Variants in AKAP12 observed in about 807,000 individuals in gnomAD.
AKAP12 encodes A-kinase anchoring protein 12, also known as A-kinase anchor protein 12.
A neutral mutation model predicts 79.9 loss-of-function variants in AKAP12; 32 were observed. That is an observed-to-expected ratio of 0.40 (90% CI 0.30 to 0.54). The LOEUF is 0.54. Among genes scored for constraint, AKAP12 ranks in the 20% least tolerant of loss-of-function variants. The pLI is 0.48. For missense variants in AKAP12, 2,074 were observed against 2,177.0 expected (o/e 0.95, Z 0.94); for synonymous variants, 808 against 857.0 (o/e 0.94, Z 1.00).
chr6:151,340,964 A>T (rs1282436139), intron 3 of AKAP12, among the ~76,000 whole-genome samples: 1 of 152,096 alleles, frequency 6.6e-6, no homozygotes, highest in Admixed American at 6.5e-5. Context: ...CTGTTCCATT[A>T]TCGAGGATAA....
intron 3 of AKAP12, chr6:151,343,990 C>A (rs750799612): frequency 2.3e-6 from 1 of 437,122 alleles, no homozygotes; most frequent in Non-Finnish European, 4.3e-6. Flanking sequence ...TAGTTTAAAT[C>A]GTCGATGTCT....
At chr6:151,261,555 G>A (rs1797434766) in intron 2 of AKAP12, among the ~76,000 whole-genome samples, 1 of 150,966 alleles carries the variant, frequency 6.6e-6, no homozygotes, top group African/African-American at 2.4e-5. Context: ...ACAAAAATTA[G>A]CCGAGCATTA....
chr6:151,273,722 T>G (rs2473605), intron 2 of AKAP12, among the ~76,000 whole-genome samples: 114,154 of 152,124 alleles, frequency 0.75, 44,277 homozygotes, highest in African/African-American at 0.93. Context: ...GGTGGTTACT[T>G]TTAGACTAGT....
In AKAP12 at chr6:151,350,944, G is replaced by A; in HGVS notation, c.2553G>A (p.Glu851=). 1 of 1,614,052 alleles carries A rather than the reference G, an allele frequency of 6.2e-7. No individual in the cohort carries two copies. The highest frequency in any genetic ancestry group is 2.2e-5 in the East Asian group (1 of 44,846). Residue 851 remains glutamate, a synonymous_variant, in exon 4 of 5, where the codon GAG becomes GAA. Coordinates refer to ENST00000402676, the MANE Select transcript of AKAP12 (RefSeq NM_005100.4). This position sits in a 1 kb window ranked among gnomAD's most constrained non-coding sequence, Gnocchi z 4.8. ...SDVPAVVPLS[E]YDAVEREKME... ...TCCCGGCCGTGGTCCCTCTGTCTGA[G>A]TATGATGCTGTAGAAAGGGAGAAAA...
chr6:151,332,033 G>GTTGTTTTTGTTT (rs1303327962), intron 3 of AKAP12, among the ~76,000 whole-genome samples: 1,942 of 79,562 alleles, frequency 0.024, 233 homozygotes, highest in African/African-American at 0.056. Flanking sequence ...TTCTGGGTCT[G>GTTGTTTTTGTTT]TTTTTTTTTT....
At chr6:151,277,917 G>T (rs1274842766) in intron 2 of AKAP12, among the ~76,000 whole-genome samples, 1 of 151,132 alleles carries the variant, frequency 6.6e-6, no homozygotes, top group African/African-American at 2.4e-5. Flanking sequence ...TCCCTTTTCA[G>T]ATCCTTAGGC....
intron 3 of AKAP12, among the ~76,000 whole-genome samples, chr6:151,316,909 A>T (rs1283628130): frequency 6.6e-6 from 1 of 152,176 alleles, no homozygotes; most frequent in Non-Finnish European, 1.5e-5. Flanking sequence ...AAGTGCTGGG[A>T]TTACAGGCGT....
chr6:151,309,869 T>C (rs1777052493), intron 3 of AKAP12, among the ~76,000 whole-genome samples: 2 of 151,930 alleles, frequency 1.3e-5, no homozygotes, highest in African/African-American at 4.8e-5. Flanking sequence ...CTGGGCTTCC[T>C]CTCCCTAACT....
At chr6:151,346,458 G>A (rs1162631142) in intron 3 of AKAP12, among the ~76,000 whole-genome samples, 1 of 152,120 alleles carries the variant, frequency 6.6e-6, no homozygotes, top group African/African-American at 2.4e-5. Flanking sequence ...GACATTTCAG[G>A]CCAGGCTAGT....
At chr6:151,296,736 C>T (rs1238334990) in intron 2 of AKAP12, among the ~76,000 whole-genome samples, 2 of 152,188 alleles carry the variant, frequency 1.3e-5, no homozygotes, top group Non-Finnish European at 2.9e-5. Context: ...GAGATCACGC[C>T]ACTGCACTCT....
intron 2 of AKAP12, among the ~76,000 whole-genome samples, chr6:151,249,214 A>C (rs577045872): frequency 1.3e-5 from 2 of 152,230 alleles, no homozygotes; most frequent in Non-Finnish European, 2.9e-5. Flanking sequence ...AGTTTATGGC[A>C]TTTGACTGGT....
intron 3 of AKAP12, among the ~76,000 whole-genome samples, chr6:151,334,696 A>T (rs1472998661): frequency 1.3e-5 from 2 of 148,750 alleles, no homozygotes; most frequent in Admixed American, 1.3e-4. Context: ...ATCTCGGCTC[A>T]CGGCAAGCTC....
At chr6:151,300,869 A>G (rs893100669) in intron 2 of AKAP12, among the ~76,000 whole-genome samples, 4 of 152,164 alleles carry the variant, frequency 2.6e-5, no homozygotes, top group African/African-American at 9.7e-5. Context: ...TGAAGCACAA[A>G]TCCAGTGGGA....
At position 151,358,462 on chromosome 6, in the gene AKAP12, C is replaced by T. The variant is rs1319992793; in HGVS notation, c.*2748C>T. The T allele has an allele frequency of 3.3e-5, 5 of 152,168 alleles. No homozygotes were observed. The highest frequency in any genetic ancestry group is 2.0e-4 in the Admixed American group (3 of 15,274). 9.4% of individuals were successfully genotyped at this position (152,168 alleles called of 1,614,324 possible). ...TTCCAGCTTAGCAATTACCTCTAGT[C>T]GAAGACAATATTTGATTCCTAGTTC... On this transcript the variant is annotated 3_prime_UTR_variant, in exon 5 of 5. Coordinates refer to ENST00000402676, the MANE Select transcript of AKAP12 (RefSeq NM_005100.4).
Position 151,351,361 on chromosome 6 carries a change from A to G in AKAP12, c.2970A>G (p.Gly990=). Residue 990 remains glycine (G), a synonymous_variant, in exon 4 of 5, where the codon GGA becomes GGG. Coordinates refer to ENST00000402676, the MANE Select transcript of AKAP12 (RefSeq NM_005100.4). The surrounding 1 kb of genome is among the most constrained non-coding windows in gnomAD (Gnocchi z 4.4). ...CAGGGCCATTGGGTGCCGAAGAAGG[A>G]ACCGAAGCATCTGCTGCTGAAGAGA... is the stretch of plus-strand genomic sequence containing the variant. The part of the protein sequence containing the change: ...ETAGPLGAEE[G]TEASAAEETT... The G allele has an allele frequency of 6.2e-7, 1 of 1,614,208 alleles. No individual in the cohort carries two copies. The highest frequency in any genetic ancestry group is 1.1e-5 in the South Asian group (1 of 91,078).
intron 2 of AKAP12, among the ~76,000 whole-genome samples, chr6:151,255,115 G>C (rs557172594): frequency 6.6e-6 from 1 of 152,016 alleles, no homozygotes; most frequent in South Asian, 2.1e-4. Flanking sequence ...CAAAAATGAA[G>C]TTACAGTTAT....
At chr6:151,331,927 C>A (rs988845993) in intron 3 of AKAP12, among the ~76,000 whole-genome samples, 1 of 150,908 alleles carries the variant, frequency 6.6e-6, no homozygotes, top group African/African-American at 2.4e-5. Flanking sequence ...ACTAGTAGCA[C>A]GATCATAGCT....
intron 3 of AKAP12, among the ~76,000 whole-genome samples, chr6:151,321,668 T>G (rs999796639): frequency 9.9e-5 from 15 of 152,126 alleles, no homozygotes; most frequent in African/African-American, 3.6e-4. Context: ...AGTTTTTCTG[T>G]GGGTGTGTAT....
intron 3 of AKAP12, chr6:151,325,323 T>G: frequency 1.0e-6 from 1 of 985,456 alleles, no homozygotes; most frequent in Non-Finnish European, 1.2e-6. Flanking sequence ...GGCTATTTCC[T>G]TGAAATGACT....
Sources: allele counts gnomAD v4.1 joint callset (sites outside exome capture counted in the v4.1 genomes callset), GRCh38; gene constraint gnomAD v4.1.1; non-coding constraint Gnocchi (gnomAD v3.1); transcripts MANE v1.5; gene names NCBI Gene and HGNC (gene_info 2026-07-23, HGNC 2026-07-21).